MYRIP: variants seen among roughly 807,000 people sequenced by gnomAD.
MYRIP encodes rab effector MyRIP.
A neutral mutation model predicts 98.0 loss-of-function variants in MYRIP; 49 were observed. The observed-to-expected ratio is 0.50, with a 90% CI of 0.40 to 0.63. MYRIP has a LOEUF of 0.63. MYRIP is among the 30% of genes least tolerant of loss of function. The probability of loss-of-function intolerance (pLI) is 0.00; values close to 1 mark genes in which losing one functional copy is unlikely to be tolerated. For missense variants in MYRIP, 1,004 were observed against 1,058.2 expected (o/e 0.95, Z 0.71); for synonymous variants, 404 against 409.5 (o/e 0.99, Z 0.16).
intron 1 of MYRIP, among the ~76,000 whole-genome samples, chr3:39,892,553 A>G (rs185067424): frequency 8.5e-5 from 13 of 152,296 alleles, no homozygotes; most frequent in South Asian, 8.3e-4. Context: ...AATTTAGCCT[A>G]ACTCTTGCCT....
chr3:39,919,983 C>T (rs1944272264), intron 2 of MYRIP, among the ~76,000 whole-genome samples: 3 of 151,952 alleles, frequency 2.0e-5, no homozygotes, highest in African/African-American at 4.8e-5. Flanking sequence ...CTTTTTGTGC[C>T]TTCACCTTTC....
At chr3:39,824,556 T>C (rs1381288557) in intron 1 of MYRIP, among the ~76,000 whole-genome samples, 2 of 152,050 alleles carry the variant, frequency 1.3e-5, no homozygotes, top group Non-Finnish European at 2.9e-5. Context: ...GTTTATTTTG[T>C]AGAGGTTTTT....
At chr3:39,834,043 A>C (rs902437415) in intron 1 of MYRIP, among the ~76,000 whole-genome samples, 8 of 152,158 alleles carry the variant, frequency 5.3e-5, no homozygotes, top group Non-Finnish European at 4.4e-5. Context: ...AAGAAAAACT[A>C]AGTGAAGAAA....
rs1559451241 is a variant in MYRIP at position 40,203,956 on chromosome 3, ATT to A, written c.1666-5897_1666-5896del. Among the ~76,000 whole-genome samples the A allele has an allele frequency of 2.7e-3, 33 of 12,320 alleles. 5 individuals are homozygous for A. The highest frequency in any genetic ancestry group is 0.012 in the African/African-American group (33 of 2,788). The allele number at this position is 12,320 out of a possible 152,430, so 8.1% of individuals were successfully genotyped here. ...ATAATATATATTATATATATTATAT[ATT>A]ATATACATTATATATATTATATATA... On this transcript the variant is annotated intron_variant, in intron 10 of 16. Transcript: ENST00000302541.
At chr3:40,132,217 G>A (rs1281138890) in intron 3 of MYRIP, among the ~76,000 whole-genome samples, 1 of 152,094 alleles carries the variant, frequency 6.6e-6, no homozygotes, top group Non-Finnish European at 1.5e-5. Context: ...AAAATATGCT[G>A]TTGTCTCTAC....
chr3:39,946,863 A>G (rs1254203817), intron 2 of MYRIP, among the ~76,000 whole-genome samples: 1 of 152,192 alleles, frequency 6.6e-6, no homozygotes, highest in Non-Finnish European at 1.5e-5. Flanking sequence ...GTGATTTGTT[A>G]CATCACAAGA....
At chr3:40,078,174 T>C (rs1450228238) in intron 3 of MYRIP, among the ~76,000 whole-genome samples, 1 of 152,212 alleles carries the variant, frequency 6.6e-6, no homozygotes, top group Non-Finnish European at 1.5e-5. Context: ...GCCCGGGTGC[T>C]AAGCCCCTCA....
At position 40,183,749 on chromosome 3, in the gene MYRIP, G is replaced by A. The variant is rs370922971; in HGVS notation, c.1027+1376G>A. Among the ~76,000 whole-genome samples the A allele has an allele frequency of 2.2e-4, 34 of 152,244 alleles. 1 individual carries two copies. Among genetic ancestry groups the A allele is most frequent in the Admixed American group, 9.8e-4 (15 of 15,294 alleles). On this transcript the variant is annotated intron_variant, in intron 9 of 16. Coordinates refer to ENST00000302541, the MANE Select transcript of MYRIP (RefSeq NM_015460.4). ...ATTAACAGTATTCTCATCCCATGTC[G>A]TATCAGATTTAGACCCCTTTCCTGA...
chr3:39,851,054 C>A (rs558119934), intron 1 of MYRIP, among the ~76,000 whole-genome samples: 2 of 152,314 alleles, frequency 1.3e-5, no homozygotes, highest in Non-Finnish European at 2.9e-5. Flanking sequence ...AGGCATCTCT[C>A]TAATATCAAG....
chr3:40,205,760 T>A (rs531511174), intron 10 of MYRIP, among the ~76,000 whole-genome samples: 4 of 152,066 alleles, frequency 2.6e-5, no homozygotes, highest in Non-Finnish European at 4.4e-5. Context: ...GGTGTTTCAG[T>A]GAAGTTGTTG....
intron 2 of MYRIP, among the ~76,000 whole-genome samples, chr3:39,949,415 A>G (rs1049960539): frequency 1.3e-5 from 2 of 152,152 alleles, no homozygotes; most frequent in Admixed American, 1.3e-4. Context: ...AATACACTCA[A>G]TGTTGAATCA....
intron 3 of MYRIP, among the ~76,000 whole-genome samples, chr3:40,046,812 A>G (rs1206045615): frequency 2.0e-5 from 3 of 152,050 alleles, no homozygotes; most frequent in Admixed American, 2.0e-4. Flanking sequence ...GTGCTTCAGC[A>G]TATTCCCCCA....
intron 2 of MYRIP, among the ~76,000 whole-genome samples, chr3:39,904,170 A>T (rs900398831): frequency 2.0e-5 from 3 of 152,212 alleles, no homozygotes; most frequent in Non-Finnish European, 4.4e-5. Context: ...CTTTGATAAC[A>T]ATTTAGATCT....
At chr3:40,064,784 T>C (rs1196232219) in intron 3 of MYRIP, among the ~76,000 whole-genome samples, 3 of 152,170 alleles carry the variant, frequency 2.0e-5, no homozygotes, top group Non-Finnish European at 4.4e-5. Context: ...AATGAGCTTG[T>C]GTTGAGTTGA....
rs377655303 is a variant in MYRIP at position 39,900,919 on chromosome 3, C to T, written c.103C>T (p.Arg35Ter). 1.2e-5 allele frequency: 19 copies of T among 1,611,290 alleles called. No homozygotes were observed. Among genetic ancestry groups the T allele is most frequent in the African/African-American group, 4.0e-5 (3 of 74,876 alleles). ...DFNLRKKEEE[R>*]LSELKQKLDE... ...CAATCTTCGCAAAAAAGAAGAAGAA[C>T]GACTAAGGTGAGATGCCTGTTTTGC... The change falls in exon 2 of 17, where the codon CGA becomes TGA. Residue 35 changes from arginine to a stop codon, truncating the protein, a stop_gained. Transcript: ENST00000302541. LOFTEE classifies it high-confidence loss of function.
chr3:40,082,930 A>G (rs769067786), intron 3 of MYRIP, among the ~76,000 whole-genome samples: 12 of 152,222 alleles, frequency 7.9e-5, no homozygotes, highest in Non-Finnish European at 8.8e-5. Flanking sequence ...TACCCGTAAA[A>G]TAGGCCAGAA....
intron 2 of MYRIP, among the ~76,000 whole-genome samples, chr3:39,931,288 C>A (rs1243316587): frequency 6.6e-6 from 1 of 150,900 alleles, no homozygotes; most frequent in Admixed American, 6.6e-5. Flanking sequence ...TTTTTTCTTT[C>A]AATAATATTG....
intron 9 of MYRIP, among the ~76,000 whole-genome samples, chr3:40,184,806 C>T (rs1950983822): frequency 6.6e-6 from 1 of 152,094 alleles, no homozygotes; most frequent in South Asian, 2.1e-4. Flanking sequence ...GGTAATTTTT[C>T]AATTGTATAT....
intron 2 of MYRIP, among the ~76,000 whole-genome samples, chr3:39,975,265 AG>A (rs1559544290): frequency 6.6e-6 from 1 of 151,942 alleles, no homozygotes; most frequent in African/African-American, 2.4e-5. Context: ...AGACAAACAG[AG>A]AGCCAAATCA....
Sources: allele counts gnomAD v4.1 joint callset (sites outside exome capture counted in the v4.1 genomes callset), GRCh38; gene constraint gnomAD v4.1.1; transcripts MANE v1.5; gene names NCBI Gene and HGNC (gene_info 2026-07-23, HGNC 2026-07-21).